Variants in RHOBTB1 observed in about 807,000 individuals in gnomAD.
The protein encoded by RHOBTB1 is Rho related BTB domain containing 1, also known as rho-related BTB domain-containing protein 1.
Under a neutral mutation model 71.6 loss-of-function variants are expected in RHOBTB1, and 40 were observed. That is an observed-to-expected ratio of 0.56 (90% CI 0.43 to 0.73). The LOEUF (loss-of-function observed/expected upper bound fraction) is 0.73, where lower values mean the gene tolerates loss of function less well. Ranked by LOEUF, RHOBTB1 falls within the 30% of genes least tolerant of loss-of-function variation. The pLI is 0.00. For missense variants in RHOBTB1, 797 were observed against 894.0 expected (o/e 0.89, Z 1.38); for synonymous variants, 319 against 334.9 (o/e 0.95, Z 0.52).
intron 2 of RHOBTB1, among the ~76,000 whole-genome samples, chr10:60,931,135 T>C (rs2084223696): frequency 6.6e-6 from 1 of 152,134 alleles, no homozygotes; most frequent in Non-Finnish European, 1.5e-5. Context: ...TTCTTTTGAT[T>C]CCAAATTTTC....
At chr10:60,872,561 G>A (rs572638924) in intron 9 of RHOBTB1, among the ~76,000 whole-genome samples, 9 of 64,088 alleles carry the variant, frequency 1.4e-4, no homozygotes, top group Admixed American at 5.7e-4. Flanking sequence ...TCGCCCTCCC[G>A]CCCTCCCCTG....
intron 2 of RHOBTB1, among the ~76,000 whole-genome samples, chr10:60,940,729 C>T (rs1230034538): frequency 6.6e-6 from 1 of 152,136 alleles, no homozygotes; most frequent in Admixed American, 6.5e-5. Flanking sequence ...TTCCCAAACT[C>T]TCACCGATTA....
At chr10:60,939,465 C>T (rs1479250519) in intron 2 of RHOBTB1, among the ~76,000 whole-genome samples, 2 of 152,144 alleles carry the variant, frequency 1.3e-5, no homozygotes, top group East Asian at 3.9e-4. Flanking sequence ...CCTCTTGACC[C>T]TTCCCTTAAA....
the RHOBTB1 span, among the ~76,000 whole-genome samples, chr10:60,861,863 T>A: frequency 1.3e-5 from 2 of 152,218 alleles, no homozygotes; most frequent in Non-Finnish European, 2.9e-5. Flanking sequence ...TAATGGTCAA[T>A]AAAACCATTT....
At chr10:60,965,242 G>T (rs2085916827) in intron 2 of RHOBTB1, among the ~76,000 whole-genome samples, 1 of 151,832 alleles carries the variant, frequency 6.6e-6, no homozygotes, top group Admixed American at 6.6e-5. Flanking sequence ...AAATGCTTAG[G>T]TTTTATATAT....
chr10:60,875,056 AG>A lies in RHOBTB1; in HGVS notation c.1727-15del. 2 of 1,608,758 alleles carry A rather than the reference AG, an allele frequency of 1.2e-6. No individual in the cohort carries two copies. Among genetic ancestry groups the A allele is most frequent in the African/African-American group, 1.3e-5 (1 of 74,904 alleles). On this transcript the variant is annotated splice_polypyrimidine_tract_variant and intron_variant, in intron 8 of 10. Transcript: ENST00000337910. The stretch of plus-strand genomic sequence containing the variant: ...CGGCATGCTGTTCTGGGGAAGAGAG[AG>A]GGGGCAGGAGAACATTAAACCACGC...
chr10:60,929,008 T>A (rs2084065235), intron 2 of RHOBTB1, among the ~76,000 whole-genome samples: 1 of 152,166 alleles, frequency 6.6e-6, no homozygotes, highest in Non-Finnish European at 1.5e-5. Context: ...TGTCTTCACA[T>A]GGCAGCAGGA....
Position 60,963,214 on chromosome 10 carries a change from C to T in RHOBTB1, c.-61-21360G>A, listed in dbSNP as rs140015901. On this transcript the variant is annotated intron_variant, in intron 2 of 11. Transcript: ENST00000357917. ...TGGGTAGGCAATTTTCATTGCCCTC[C>T]GCTCCATACAGAGACCCAAATGGCT... Among the ~76,000 whole-genome samples the T allele has an allele frequency of 2.2e-3, 330 of 152,200 alleles. 2 individuals are homozygous for T. The highest frequency in any genetic ancestry group is 7.4e-3 in the African/African-American group (309 of 41,548).
chr10:60,988,092 C>T (rs1353747015), intron 1 of RHOBTB1, among the ~76,000 whole-genome samples: 12 of 151,360 alleles, frequency 7.9e-5, no homozygotes, highest in Admixed American at 1.3e-4. Context: ...CCACCACGCC[C>T]GGCTAATTTT....
the RHOBTB1 span, among the ~76,000 whole-genome samples, chr10:60,861,942 T>TGCA: frequency 1.3e-5 from 2 of 152,208 alleles, no homozygotes; most frequent in East Asian, 3.9e-4. Context: ...CTTTCCTTGC[T>TGCA]GCAGCTGGCA....
chr10:60,909,847 T>G (rs2082876974), intron 4 of RHOBTB1, among the ~76,000 whole-genome samples: 1 of 152,234 alleles, frequency 6.6e-6, no homozygotes, highest in Non-Finnish European at 1.5e-5. Context: ...AGTCACAGAT[T>G]CTTTCAGTGT....
At position 60,896,641 on chromosome 10, in the gene RHOBTB1, C is replaced by T. The variant is rs533837420; in HGVS notation, c.297-3646G>A. Among the ~76,000 whole-genome samples, 3 of 152,298 alleles carry T rather than the reference C, an allele frequency of 2.0e-5. No individual in the cohort carries two copies. The South Asian group carries it at 6.2e-4, about 32-fold the overall frequency. On this transcript the variant is annotated intron_variant, in intron 4 of 10. Coordinates refer to ENST00000337910, the MANE Select transcript of RHOBTB1 (RefSeq NM_014836.5). ...GTTTTATTAGAGAAAGCCAGAATTA[C>T]AAAGGACTTAAGGATATATGGTCTT...
chr10:60,937,106 C>A (rs558623661), intron 2 of RHOBTB1, among the ~76,000 whole-genome samples: 6 of 152,312 alleles, frequency 3.9e-5, no homozygotes, highest in African/African-American at 1.4e-4. Context: ...AAAGCAGTAG[C>A]TTTCTTCCGC....
At chr10:60,912,868 T>C (rs1184555088) in intron 2 of RHOBTB1, 1 of 152,212 alleles carries the variant, frequency 6.6e-6, no homozygotes. Flanking sequence ...AGGGAGTCTA[T>C]TGTTAAACTA....
At chr10:60,949,344 T>A (rs1371345782) in intron 2 of RHOBTB1, among the ~76,000 whole-genome samples, 1 of 152,198 alleles carries the variant, frequency 6.6e-6, no homozygotes, top group East Asian at 1.9e-4. Flanking sequence ...CTGTCCCAAA[T>A]ACCACGGGCT....
chr10:60,877,797 C>T, intron 8 of RHOBTB1, 111 bp downstream of exon 8: 1 of 1,023,650 alleles, frequency 9.8e-7, no homozygotes, highest in Non-Finnish European at 1.4e-6. Context: ...CAAGACAGTC[C>T]TATTTTGGGT....
At chr10:60,886,720 G>A (rs560019168) in intron 6 of RHOBTB1, among the ~76,000 whole-genome samples, 13 of 141,650 alleles carry the variant, frequency 9.2e-5, no homozygotes, top group Admixed American at 2.8e-4. Flanking sequence ...AGAGATGTGG[G>A]GGGGGGTGGG....
intron 7 of RHOBTB1, among the ~76,000 whole-genome samples, chr10:60,880,177 C>CTCTGTGTGTGTGTGTGTGTGTGTGTG (rs370670323): frequency 2.9e-4 from 29 of 100,624 alleles, no homozygotes; most frequent in African/African-American, 9.2e-4. Flanking sequence ...TGAGGGATGA[C>CTCTGTGTGTGTGTGTGTGTGTGTGTG]TGTGTGTGTG....
intron 7 of RHOBTB1, among the ~76,000 whole-genome samples, chr10:60,881,642 T>A (rs2081333490): frequency 6.6e-6 from 1 of 152,220 alleles, no homozygotes. Flanking sequence ...GAATTTGGAA[T>A]AGATGCTATT....
Sources: gnomAD v4.1 joint callset for allele counts (sites outside exome capture counted in the v4.1 genomes callset) on GRCh38, gnomAD v4.1.1 for gene constraint, MANE v1.5 for transcripts, NCBI Gene and HGNC (gene_info 2026-07-23, HGNC 2026-07-21) for gene names.